IFNGR2: variants seen among roughly 807,000 people sequenced by gnomAD.
The protein encoded by IFNGR2 is interferon gamma receptor 2.
In IFNGR2, 15 loss-of-function variants were observed where a neutral mutation model predicts 41.1. The ratio of observed to expected loss-of-function variants is 0.37; its 90% CI spans 0.24 to 0.56. IFNGR2 has a LOEUF of 0.56. Among genes scored for constraint, IFNGR2 ranks in the 20% least tolerant of loss-of-function variants. The probability of loss-of-function intolerance (pLI) is 0.81; values close to 1 mark genes in which losing one functional copy is unlikely to be tolerated. For synonymous variants in IFNGR2, 161 were observed against 171.6 expected (o/e 0.94, Z 0.48); for missense variants, 362 against 415.7 (o/e 0.87, Z 1.12).
chr21:33,407,665 G>A (rs917124471), intron 1 of IFNGR2, among the ~76,000 whole-genome samples: 2 of 152,136 alleles, frequency 1.3e-5, no homozygotes, highest in Non-Finnish European at 2.9e-5. Flanking sequence ...GCGCTATCTC[G>A]GCTCACTGCA....
Position 33,432,796 on chromosome 21 carries a change from C to T in IFNGR2, c.804C>T (p.Phe268=), listed in dbSNP as rs1172524430. 6.2e-7 allele frequency: 1 copy of T among 1,613,908 alleles called. No individual in the cohort carries two copies. Among genetic ancestry groups the T allele is most frequent in the Admixed American group, 1.7e-5 (1 of 59,994 alleles). Residue 268 remains phenylalanine, a synonymous_variant, in exon 6 of 7, where the codon TTC becomes TTT. Coordinates refer to ENST00000290219, the MANE Select transcript of IFNGR2 (RefSeq NM_005534.4). The part of the protein sequence containing the change: ...LLSVLAGACF[F]LVLKYRGLIK... ...CGGTGCTGGCAGGAGCCTGTTTCTT[C>T]CTGGTCCTGAAATATAGAGGCCTGA...
Position 33,422,574 on chromosome 21 carries a change from TGGG to T in IFNGR2, c.412+892_412+894del, listed in dbSNP as rs764999602. ...TGTGTATTTTACCACAATAAAAAATTGGGGGAATAAAAAGAGTTCCTGCTGGGC... is the reference window on the plus strand; with the variant it reads ...TGTGTATTTTACCACAATAAAAAATTGGAATAAAAAGAGTTCCTGCTGGGC... On this transcript the variant is annotated intron_variant, in intron 3 of 6. Transcript: ENST00000290219. Among the ~76,000 whole-genome samples the T allele has an allele frequency of 1.3e-4, 20 of 152,100 alleles. No individual in the cohort carries two copies. The East Asian group carries it at 2.1e-3, about 16-fold the overall frequency.
intron 2 of IFNGR2, among the ~76,000 whole-genome samples, chr21:33,421,193 G>C (rs936299344): frequency 1.3e-5 from 2 of 152,040 alleles, no homozygotes; most frequent in African/African-American, 4.8e-5. Flanking sequence ...TTACCTGGGT[G>C]TGGTGGCTCA....
intron 1 of IFNGR2, among the ~76,000 whole-genome samples, chr21:33,406,808 T>C (rs1226922634): frequency 6.6e-6 from 1 of 151,944 alleles, no homozygotes; most frequent in Non-Finnish European, 1.5e-5. Flanking sequence ...CCATCATACC[T>C]GGCTAATTTT....
chr21:33,408,599 C>A (rs2083694550), intron 1 of IFNGR2, among the ~76,000 whole-genome samples: 1 of 152,170 alleles, frequency 6.6e-6, no homozygotes, highest in Non-Finnish European at 1.5e-5. Context: ...TCATTCACCT[C>A]TTCACTGGTT....
At position 33,409,321 on chromosome 21, in the gene IFNGR2, T is replaced by A. The variant is rs17879771; in HGVS notation, c.74-5567T>A. Reference sequence around the variant, plus strand: ...CGTCTCTCCTAAAAGCACAAAAAAATAGCCAGGCGTGGTAGCAGGTGCCTG... The same window carrying A: ...CGTCTCTCCTAAAAGCACAAAAAAAAAGCCAGGCGTGGTAGCAGGTGCCTG... On this transcript the variant is annotated intron_variant, in intron 1 of 6. Coordinates refer to ENST00000290219, the MANE Select transcript of IFNGR2 (RefSeq NM_005534.4). Among the ~76,000 whole-genome samples the A allele has an allele frequency of 7.0e-3, 1,059 of 151,268 alleles. 14 individuals are homozygous for A. Among genetic ancestry groups the A allele is most frequent in the African/African-American group, 0.025 (1,021 of 41,166 alleles).
rs143248516 is a variant in IFNGR2, at chr21:33,432,890, C to CT, written c.879+32dup. 0.19 allele frequency: 267,017 copies of CT among 1,440,052 alleles called. 3,281 individuals are homozygous for CT. Among genetic ancestry groups the CT allele is most frequent in the Non-Finnish European group, 0.2 (205,503 of 1,051,496 alleles). The allele number at this position is 1,440,052 out of a possible 1,614,324, so 89.2% of individuals were successfully genotyped here. A position where few individuals can be genotyped will look rare whatever the true frequency, so the allele number is the denominator to read the frequency against. ...AGAAGAGGTACGTGTGCACACATCTCTTTTTTTTTTTTTGAGACAGGGTCT... is the reference window on the plus strand; with the variant it reads ...AGAAGAGGTACGTGTGCACACATCTCTTTTTTTTTTTTTTGAGACAGGGTCT... On this transcript the variant is annotated intron_variant, in intron 6 of 6. Transcript: ENST00000290219.
At chr21:33,403,916 C>CG (rs1177931796) in intron 1 of IFNGR2, among the ~76,000 whole-genome samples, 2 of 152,084 alleles carry the variant, frequency 1.3e-5, no homozygotes, top group Non-Finnish European at 2.9e-5. Flanking sequence ...AGCAGGAAGA[C>CG]GGGGGGCACC....
chr21:33,426,722 A>C (rs931746838), intron 3 of IFNGR2, among the ~76,000 whole-genome samples, 162 bp from the exon 4 acceptor site: 1 of 151,498 alleles, frequency 6.6e-6, no homozygotes, highest in Non-Finnish European at 1.5e-5. Flanking sequence ...TGTCTCGAAA[A>C]AATAATAATA....
intron 2 of IFNGR2, among the ~76,000 whole-genome samples, chr21:33,417,091 ACTT>A (rs558391286): frequency 2.0e-5 from 3 of 149,274 alleles, no homozygotes; most frequent in Non-Finnish European, 4.5e-5. Flanking sequence ...GGTTCAGATA[ACTT>A]CTTTTTTTTT....
At chr21:33,424,542 T>C (rs1440703527) in intron 3 of IFNGR2, among the ~76,000 whole-genome samples, 1 of 152,094 alleles carries the variant, frequency 6.6e-6, no homozygotes. Context: ...CTGGTGGCGT[T>C]AGAATCAGTA....
intron 1 of IFNGR2, among the ~76,000 whole-genome samples, chr21:33,405,116 AAAAAAAAG>A (rs1439194454): frequency 6.6e-6 from 1 of 151,664 alleles, no homozygotes; most frequent in Non-Finnish European, 1.5e-5. Flanking sequence ...AAAAAAAAAA[AAAAAAAAG>A]AAAAAGAGGA....
At chr21:33,417,220 A>C (rs1601076117) in intron 2 of IFNGR2, among the ~76,000 whole-genome samples, 1 of 151,926 alleles carries the variant, frequency 6.6e-6, no homozygotes, top group African/African-American at 2.4e-5. Context: ...CCTCCCAAGT[A>C]GCTGGGACTA....
intron 6 of IFNGR2, among the ~76,000 whole-genome samples, chr21:33,435,387 C>T (rs187975605): frequency 6.8e-4 from 104 of 152,106 alleles, no homozygotes; most frequent in African/African-American, 2.3e-3. Context: ...ATTTTAGAGA[C>T]GTCTTAAGAT....
In IFNGR2 at chr21:33,432,886, A is replaced by AT; in HGVS notation, c.879+16dup. ...AGATAGAAGAGGTACGTGTGCACAC[A>AT]TCTCTTTTTTTTTTTTTGAGACAGG... is the stretch of plus-strand genomic sequence containing the variant. On this transcript the variant is annotated intron_variant, in intron 6 of 6. Coordinates refer to ENST00000290219, the MANE Select transcript of IFNGR2 (RefSeq NM_005534.4). The AT allele has an allele frequency of 6.5e-7, 1 of 1,528,966 alleles. No individual in the cohort carries two copies. The highest frequency in any genetic ancestry group is 8.9e-7 in the Non-Finnish European group (1 of 1,125,060). The allele number at this position is 1,528,966 out of a possible 1,614,324, so 94.7% of individuals were successfully genotyped here.
rs17880075 is a variant in IFNGR2 at position 33,436,541 on chromosome 21, A to G, written c.880-287A>G. ...AGTTTGAGACCAGCGTGGCCAACAT[A>G]GTGAAACCCTGTCTCTACTAAAAAT... On this transcript the variant is annotated intron_variant, in intron 6 of 6. Transcript: ENST00000290219. 4.1e-3 allele frequency among the ~76,000 whole-genome samples: 630 copies of G among 152,018 alleles called. 7 individuals carry two copies. Among genetic ancestry groups the G allele is most frequent in the African/African-American group, 0.015 (606 of 41,476 alleles).
At position 33,429,375 on chromosome 21, in the gene IFNGR2, G is replaced by A. The variant is rs146113679; in HGVS notation, c.561+2343G>A. Among the ~76,000 whole-genome samples the A allele has an allele frequency of 6.0e-3, 920 of 152,080 alleles. 17 individuals are homozygous for A. Among genetic ancestry groups the A allele is most frequent in the Non-Finnish European group, 4.1e-3 (277 of 68,008 alleles). On this transcript the variant is annotated intron_variant, in intron 4 of 6. Coordinates refer to ENST00000290219, the MANE Select transcript of IFNGR2 (RefSeq NM_005534.4). ...TCGTTTTGAGACAGAATTTCACTCT[G>A]TCTCCCAGGGTAGAGTGCAGTGCCA...
At chr21:33,426,777 C>CTATATA (rs146481328) in intron 3 of IFNGR2, 107 bp from the exon 4 acceptor site, 15 of 538,870 alleles carry the variant, frequency 2.8e-5, no homozygotes, top group African/African-American at 4.2e-5. Context: ...TCTACACCCA[C>CTATATA]TATATATATA....
In IFNGR2 at chr21:33,437,261, A is replaced by G. The variant is rs548556490; in HGVS notation, c.*299A>G. The G allele has an allele frequency of 2.8e-6, 1 of 352,254 alleles. No homozygotes were observed. Among genetic ancestry groups the G allele is most frequent in the East Asian group, 6.4e-5 (1 of 15,528 alleles). The allele number at this position is 352,254 out of a possible 1,614,324, so 21.8% of individuals were successfully genotyped here. A position where few individuals can be genotyped will look rare whatever the true frequency, so the allele number is the denominator to read the frequency against. ...CTTGTTAGCAAAATGGATATGACAC[A>G]TCTCTGATACTTTTTTCATTATTGG... On this transcript the variant is annotated 3_prime_UTR_variant, in exon 7 of 7. Transcript: ENST00000290219.
Sources: allele counts gnomAD v4.1 joint callset (sites outside exome capture counted in the v4.1 genomes callset), GRCh38; gene constraint gnomAD v4.1.1; transcripts MANE v1.5; gene names NCBI Gene and HGNC (gene_info 2026-07-23, HGNC 2026-07-21).